The following RNF17 variants were observed in gnomAD, a reference collection of about 807,000 sequenced individuals.
RNF17 encodes the protein spermatogenesis associated 23.
Under a neutral mutation model 200.5 loss-of-function variants are expected in RNF17, and 31 were observed. The ratio of observed to expected loss-of-function variants is 0.15; its 90% CI spans 0.12 to 0.21. The LOEUF (loss-of-function observed/expected upper bound fraction) is 0.21. Among genes scored for constraint, RNF17 ranks in the 10% least tolerant of loss-of-function variants. The pLI, the probability that RNF17 is intolerant of heterozygous loss-of-function variation, is 1.00. For missense variants in RNF17, 1,628 were observed against 1,905.1 expected (o/e 0.85, Z 2.71); for synonymous variants, 606 against 637.8 (o/e 0.95, Z 0.75).
intron 15 of RNF17, among the ~76,000 whole-genome samples, chr13:24,819,177 ACAG>A (rs1166720645): frequency 6.6e-6 from 1 of 152,168 alleles, no homozygotes; most frequent in African/African-American, 2.4e-5. Flanking sequence ...TCGTTAAACA[ACAG>A]CACATTTCTC....
chr13:24,839,249 A>G (rs1241111412), intron 18 of RNF17, among the ~76,000 whole-genome samples: 1 of 152,138 alleles, frequency 6.6e-6, no homozygotes, highest in East Asian at 1.9e-4. Context: ...TGATTCTATC[A>G]TATTGCAATG....
chr13:24,762,090 C>T (rs528718737), upstream of RNF17, among the ~76,000 whole-genome samples: 18 of 152,202 alleles, frequency 1.2e-4, no homozygotes, highest in African/African-American at 3.6e-4. Context: ...GAATATGGGC[C>T]GGACGCGGTG....
chr13:24,885,494 G>T, the RNF17 span: 4 of 1,182,808 alleles, frequency 3.4e-6, no homozygotes, highest in Non-Finnish European at 5.1e-6. Flanking sequence ...CATTTATAAT[G>T]TTAAGTAAAA....
downstream of RNF17, chr13:24,882,674 G>GTAAC (rs1311483452): frequency 4.5e-5 from 7 of 156,782 alleles, no homozygotes; most frequent in African/African-American, 1.7e-4. Flanking sequence ...ATCCACTGTT[G>GTAAC]TAACTTCCCA....
At chr13:24,785,746 A>C (rs558453086) in intron 6 of RNF17, among the ~76,000 whole-genome samples, 31 of 152,252 alleles carry the variant, frequency 2.0e-4, no homozygotes, top group African/African-American at 7.2e-4. Flanking sequence ...TAATTCTGCA[A>C]ATGTTTGCTT....
intron 21 of RNF17, 27 bp from the exon 22 acceptor site, chr13:24,844,934 G>A (rs528920858): frequency 1.3e-6 from 2 of 1,557,268 alleles, no homozygotes; most frequent in African/African-American, 1.4e-5. Flanking sequence ...TTGTTTGTCT[G>A]TAGACTTAAA....
chr13:24,768,506 G>A (rs1161810228), intron 2 of RNF17, among the ~76,000 whole-genome samples: 2 of 151,966 alleles, frequency 1.3e-5, no homozygotes, highest in Non-Finnish European at 2.9e-5. Context: ...GGATGGTCTC[G>A]ATCTCCTCAC....
chr13:24,874,294 T>A lies in RNF17; in HGVS notation c.4583+45T>A, dbSNP rs202083210. On this transcript the variant is annotated intron_variant, in intron 33 of 35. Transcript: ENST00000255324. ...GTGTTGAATTAGATTTCTTTTTTTTTAAATAGTTTTCTTATTGAGAATATT... is the reference window on the plus strand; with the variant it reads ...GTGTTGAATTAGATTTCTTTTTTTTAAAATAGTTTTCTTATTGAGAATATT... 276 of 1,308,400 alleles carry A rather than the reference T, an allele frequency of 2.1e-4. 1 individual carries two copies. Among genetic ancestry groups the A allele is most frequent in the African/African-American group, 8.7e-4 (59 of 67,872 alleles). The allele number at this position is 1,308,400 out of a possible 1,614,324, so 81.0% of individuals were successfully genotyped here. A position where few individuals can be genotyped will look rare whatever the true frequency, so the allele number is the denominator to read the frequency against.
At chr13:24,870,239 G>A (rs1593486640) in intron 31 of RNF17, among the ~76,000 whole-genome samples, 1 of 151,932 alleles carries the variant, frequency 6.6e-6, no homozygotes, top group Non-Finnish European at 1.5e-5. Flanking sequence ...GAGCCACCGC[G>A]CCCGGCCTAA....
chr13:24,879,083 C>T lies in RNF17; in HGVS notation c.4774-104C>T, dbSNP rs139500608. Reference sequence around the variant, plus strand: ...GCATAGAGCATAAATTATCAATAGGCCCCTGAGAACACCTTTTCACACCCG... The same window carrying T: ...GCATAGAGCATAAATTATCAATAGGTCCCTGAGAACACCTTTTCACACCCG... On this transcript the variant is annotated intron_variant, in intron 34 of 35. Coordinates refer to ENST00000255324, the MANE Select transcript of RNF17 (RefSeq NM_031277.3). 5.0e-4 allele frequency: 376 copies of T among 747,534 alleles called. No individual in the cohort carries two copies. In the East Asian group the frequency reaches 8.9e-3, roughly 18 times the overall value. The allele number at this position is 747,534 out of a possible 1,614,324, so 46.3% of individuals were successfully genotyped here.
At chr13:24,830,450 A>G (rs772230232) in intron 16 of RNF17, 34 bp from the exon 17 acceptor site, 2 of 1,343,926 alleles carry the variant, frequency 1.5e-6, no homozygotes, top group Non-Finnish European at 2.1e-6. Flanking sequence ...TTCTGTTTCC[A>G]AGTTTGTAAT....
intron 30 of RNF17, 142 bp downstream of exon 30, chr13:24,866,345 T>TC: frequency 2.0e-6 from 1 of 503,296 alleles, no homozygotes; most frequent in Non-Finnish European, 3.5e-6. Flanking sequence ...CAGTTCAGTG[T>TC]TGTTTAATAT....
At chr13:24,886,592 C>G in the RNF17 span, among the ~76,000 whole-genome samples, 2 of 152,112 alleles carry the variant, frequency 1.3e-5, no homozygotes, top group African/African-American at 4.8e-5. Flanking sequence ...TAGGCTTGAG[C>G]AAAGGGGCAG....
At chr13:24,777,199 A>G (rs1319165234) in intron 3 of RNF17, among the ~76,000 whole-genome samples, 1 of 152,230 alleles carries the variant, frequency 6.6e-6, no homozygotes, top group Non-Finnish European at 1.5e-5. Context: ...GGGCTAATGC[A>G]CTCATGTTTT....
chr13:24,839,547 G>C (rs1295641121), intron 18 of RNF17, among the ~76,000 whole-genome samples: 1 of 152,120 alleles, frequency 6.6e-6, no homozygotes, highest in African/African-American at 2.4e-5. Context: ...ATAGACTAAT[G>C]AAACAGAATA....
At chr13:24,860,082 A>G (rs1892944670) in intron 26 of RNF17, among the ~76,000 whole-genome samples, 1 of 151,678 alleles carries the variant, frequency 6.6e-6, no homozygotes, top group African/African-American at 2.4e-5. Flanking sequence ...ATAGTTTCAA[A>G]TTTGGGGTGA....
At chr13:24,767,499 C>T in intron 2 of RNF17, 133 bp downstream of exon 2, 1 of 604,778 alleles carries the variant, frequency 1.7e-6, no homozygotes, top group Non-Finnish European at 2.9e-6. Context: ...CCTGTAATCC[C>T]AGCACTTTTG....
At chr13:24,764,990 C>G (rs190896343) in intron 1 of RNF17, among the ~76,000 whole-genome samples, 5 of 151,594 alleles carry the variant, frequency 3.3e-5, no homozygotes, top group East Asian at 3.9e-4. Flanking sequence ...ACAATCTACT[C>G]AAGTGATCAC....
the RNF17 span, among the ~76,000 whole-genome samples, chr13:24,887,787 C>G: frequency 2.6e-5 from 4 of 152,268 alleles, no homozygotes; most frequent in Admixed American, 1.3e-4. Context: ...GTCCCTGATG[C>G]CAAAAAGGTT....
Sources: allele counts gnomAD v4.1 joint callset (sites outside exome capture counted in the v4.1 genomes callset), GRCh38; gene constraint gnomAD v4.1.1; transcripts MANE v1.5; gene names NCBI Gene and HGNC (gene_info 2026-07-23, HGNC 2026-07-21).